PPP6R1: variants seen among roughly 807,000 people sequenced by gnomAD.
The protein encoded by PPP6R1 is serine/threonine-protein phosphatase 6 regulatory subunit 1.
PPP6R1 carries 39 observed loss-of-function variants against 104.6 expected under a neutral mutation model. That is an observed-to-expected ratio of 0.37 (90% confidence interval 0.29 to 0.49). PPP6R1 has a LOEUF of 0.49. Among genes scored for constraint, PPP6R1 ranks in the 20% least tolerant of loss-of-function variants. PPP6R1 has a pLI of 0.98. For synonymous variants in PPP6R1, 549 were observed against 479.0 expected (o/e 1.15, Z -1.91); for missense variants, 1,181 against 1,155.8 (o/e 1.02, Z -0.32).
intron 15 of PPP6R1, among the ~76,000 whole-genome samples, chr19:55,237,494 C>A (rs982812617): frequency 6.6e-6 from 1 of 152,128 alleles, no homozygotes; most frequent in Admixed American, 6.5e-5. Context: ...CCTGCCAGGG[C>A]CCCACCTCCC....
intron 17 of PPP6R1, chr19:55,236,407 T>C (rs1285212717): frequency 1.9e-6 from 1 of 515,716 alleles, no homozygotes; most frequent in Admixed American, 3.8e-5. Flanking sequence ...CCATCTGCCC[T>C]GGCCTCCCAA....
At chr19:55,242,574 ACCAT>A in intron 5 of PPP6R1, 86 bp from the exon 6 acceptor site, 1 of 1,170,118 alleles carries the variant, frequency 8.5e-7, no homozygotes, top group Non-Finnish European at 1.3e-6. Flanking sequence ...CCATGAGCTG[ACCAT>A]CCAGGGAAAA....
chr19:55,232,183 C>T lies in PPP6R1; in HGVS notation c.2017G>A (p.Glu673Lys). Reference protein sequence around the residue: ...RSGGSTDSEDEEEEDEEEEED... With the variant: ...RSGGSTDSEDKEEEDEEEEED... ...TCCTCCTCCTCGTCCTCCTCTTCTT[C>T]GTCCTCACTGTCTGTGCTGCCTCCA... The change falls in exon 18 of 24, where the codon GAA (glutamate) becomes AAA (lysine). Residue 673 changes from glutamate to lysine, a missense_variant. This residue lies in a region of PPP6R1 where 1,042 missense variants were observed against 955.6 expected (regional missense o/e 1.09). Coordinates refer to ENST00000412770, the MANE Select transcript of PPP6R1 (RefSeq NM_014931.4). 6 of 1,560,892 alleles carry T rather than the reference C, an allele frequency of 3.8e-6. No homozygotes were observed. Among genetic ancestry groups the T allele is most frequent in the Non-Finnish European group, 5.2e-6 (6 of 1,152,304 alleles).
intron 23 of PPP6R1, 40 bp from the exon 24 acceptor site, chr19:55,230,571 C>T (rs2087331551): frequency 1.9e-6 from 3 of 1,613,368 alleles, no homozygotes; most frequent in South Asian, 1.1e-5. Context: ...GTCTAGCAGG[C>T]CCAGCCCCAC....
chr19:55,232,347 C>A, intron 17 of PPP6R1, 136 bp from the exon 18 acceptor site: 1 of 1,365,438 alleles, frequency 7.3e-7, no homozygotes, highest in South Asian at 1.6e-5. Context: ...TCCAGGGAGC[C>A]TGGGGTGTGA....
At chr19:55,239,152 T>A (rs1600107574) in intron 15 of PPP6R1, 1 of 510,726 alleles carries the variant, frequency 2.0e-6, no homozygotes, top group African/African-American at 1.9e-5. Context: ...GCACAGAAGA[T>A]GTTTGTGCCC....
At position 55,239,809 on chromosome 19, in the gene PPP6R1, G is replaced by A; in HGVS notation, c.1563+17C>T. 6.2e-7 allele frequency: 1 copy of A among 1,612,634 alleles called. No homozygotes were observed. The highest frequency in any genetic ancestry group is 8.5e-7 in the Non-Finnish European group (1 of 1,178,880). On this transcript the variant is annotated intron_variant, in intron 13 of 23. Coordinates refer to ENST00000412770, the MANE Select transcript of PPP6R1 (RefSeq NM_014931.4). ...AGAAGCAGCAGGAGGAGTGCAGGAAGAGAAGCTGGGCCTCACCAGGTCCAC... is the reference window on the plus strand; with the variant it reads ...AGAAGCAGCAGGAGGAGTGCAGGAAAAGAAGCTGGGCCTCACCAGGTCCAC...
chr19:55,234,168 A>G (rs2087374098), intron 17 of PPP6R1, among the ~76,000 whole-genome samples: 1 of 152,120 alleles, frequency 6.6e-6, no homozygotes, highest in South Asian at 2.1e-4. Flanking sequence ...GCTGGTCTCA[A>G]ACTCCTGACC....
chr19:55,230,574 A>G, intron 23 of PPP6R1, 39 bp downstream of exon 23: 1 of 1,613,432 alleles, frequency 6.2e-7, no homozygotes, highest in Non-Finnish European at 8.5e-7. Context: ...TAGCAGGCCC[A>G]GCCCCACCTA....
In PPP6R1 at chr19:55,258,925, A is replaced by C. The variant is rs2087617882; in HGVS notation, c.-497T>G. 6.6e-6 allele frequency: 1 copy of C among 151,806 alleles called. No individual in the cohort carries two copies. The highest frequency in any genetic ancestry group is 1.5e-5 in the Non-Finnish European group (1 of 67,930). 9.4% of individuals were successfully genotyped at this position (151,806 alleles called of 1,614,324 possible). On this transcript the variant is annotated 5_prime_UTR_variant, in exon 1 of 24. Transcript: ENST00000412770. ...ACGGAAGCCGAGGCCTACTTCCTTA[A>C]CCACCCCTTCCCCAAAGCCGCTCAA...
chr19:55,242,311 G>T lies in PPP6R1; in HGVS notation c.732-32C>A, dbSNP rs371125887. 3 of 1,613,108 alleles carry T rather than the reference G, an allele frequency of 1.9e-6. No individual in the cohort carries two copies. The African/African-American group carries it at 4.0e-5, about 22-fold the overall frequency. On this transcript the variant is annotated intron_variant, in intron 6 of 23. Transcript: ENST00000412770. ...GGGCAGGGGCAGGGGTCAGGGTGAG[G>T]GGCCAGGGGCCCAGGGCTTCCCCAA...
At position 55,241,545 on chromosome 19, in the gene PPP6R1, C is replaced by T. The variant is rs1465093068; in HGVS notation, c.940G>A (p.Val314Met). ...QGALESTVSS[V>M]GALHALRPRL... ...GGGCGTAGGGCGTGCAAGGCGCCCA[C>T]ACTGGACACAGTGCTTTCCAGGGCC... Residue 314 changes from valine to methionine, a missense_variant, in exon 8 of 24, where the codon GTG (valine) becomes ATG (methionine). Physicochemically the swap from Val to Met is conservative, Grantham distance 21 (BLOSUM62 1). Around this residue, in one of 2 missense-constraint regions of PPP6R1, gnomAD observed 1,042 missense variants for 955.6 expected, o/e 1.09. Transcript: ENST00000412770. This position sits in a 1 kb window ranked among gnomAD's most constrained non-coding sequence, Gnocchi z 5.4. The T allele has an allele frequency of 1.3e-6, 2 of 1,579,576 alleles. No homozygotes were observed. The highest frequency in any genetic ancestry group is 2.3e-5 in the East Asian group (1 of 42,562).
intron 15 of PPP6R1, 74 bp downstream of exon 15, chr19:55,239,331 G>A (rs2087428212): frequency 2.8e-6 from 4 of 1,411,870 alleles, no homozygotes; most frequent in Non-Finnish European, 3.9e-6. Flanking sequence ...TGCGTGCAGG[G>A]GACAGATACA....
At chr19:55,242,821 T>C (rs1263217039) in intron 5 of PPP6R1, among the ~76,000 whole-genome samples, 1 of 151,906 alleles carries the variant, frequency 6.6e-6, no homozygotes, top group Non-Finnish European at 1.5e-5. Context: ...CACAGGAGAG[T>C]GCTAATCAGC....
rs1380699207 is a variant in PPP6R1 at position 55,241,763 on chromosome 19, C to T, written c.846-124G>A. 21 of 1,227,298 alleles carry T rather than the reference C, an allele frequency of 1.7e-5. No homozygotes were observed. The highest frequency in any genetic ancestry group is 2.9e-5 in the Admixed American group (1 of 34,408). The allele number at this position is 1,227,298 out of a possible 1,614,324, so 76.0% of individuals were successfully genotyped here. On this transcript the variant is annotated intron_variant, in intron 7 of 23. Transcript: ENST00000412770. The surrounding 1 kb of genome is among the most constrained non-coding windows in gnomAD (Gnocchi z 5.4). The stretch of plus-strand genomic sequence containing the variant: ...ACGAGGAGCCACATGCCCCCAGCGC[C>T]GCTCTCTTCTGAGGCCCTTCAGACA...
At position 55,245,262 on chromosome 19, in the gene PPP6R1, C is replaced by A. The variant is rs1309017196; in HGVS notation, c.552+3G>T. On this transcript the variant is annotated splice_donor_region_variant and intron_variant, in intron 4 of 23. Coordinates refer to ENST00000412770, the MANE Select transcript of PPP6R1 (RefSeq NM_014931.4). The surrounding 1 kb of genome is among the most constrained non-coding windows in gnomAD (Gnocchi z 6.4). ...CACCCCCAGAGGAGCCGGCCCTGCT[C>A]ACATTGACAACATCCTGCCTCAGCT... is the stretch of plus-strand genomic sequence containing the variant. The A allele has an allele frequency of 6.3e-7, 1 of 1,597,228 alleles. No individual in the cohort carries two copies. Among genetic ancestry groups the A allele is most frequent in the Non-Finnish European group, 8.5e-7 (1 of 1,172,378 alleles).
In PPP6R1 at chr19:55,230,425, G is replaced by C. The variant is rs1487590041; in HGVS notation, c.*103C>G. Reference sequence around the variant, plus strand: ...CAGAGGAGAGAATGTGGGGGTGTCAGGGTGATGAGGGCAATGGGGGCCATC... The same window carrying C: ...CAGAGGAGAGAATGTGGGGGTGTCACGGTGATGAGGGCAATGGGGGCCATC... On this transcript the variant is annotated 3_prime_UTR_variant, in exon 24 of 24. Coordinates refer to ENST00000412770, the MANE Select transcript of PPP6R1 (RefSeq NM_014931.4). 1 of 1,527,710 alleles carries C rather than the reference G, an allele frequency of 6.5e-7. No homozygotes were observed. The highest frequency in any genetic ancestry group is 2.3e-5 in the East Asian group (1 of 43,246). The allele number at this position is 1,527,710 out of a possible 1,614,324, so 94.6% of individuals were successfully genotyped here.
chr19:55,236,245 C>CATTAAAAAA, intron 17 of PPP6R1: 1 of 174,660 alleles, frequency 5.7e-6, no homozygotes, highest in Non-Finnish European at 1.2e-5. Flanking sequence ...ACCTCTGCCT[C>CATTAAAAAA]CCTGGCTCAA....
intron 5 of PPP6R1, 25 bp from the exon 6 acceptor site, chr19:55,242,513 G>A (rs1462395435): frequency 6.3e-7 from 1 of 1,596,430 alleles, no homozygotes; most frequent in Admixed American, 1.7e-5. Context: ...GACAGGTGAG[G>A]ATCCTGGTCG....
Sources: allele counts gnomAD v4.1 joint callset (sites outside exome capture counted in the v4.1 genomes callset), GRCh38; gene constraint gnomAD v4.1.1; regional missense constraint gnomAD v4.1.1; non-coding constraint Gnocchi (gnomAD v3.1); transcripts MANE v1.5; gene names NCBI Gene and HGNC (gene_info 2026-07-23, HGNC 2026-07-21).